Variants in PGPEP1 observed in about 807,000 individuals in gnomAD.
PGPEP1 encodes the protein pyroglutamyl-peptidase I, also known as pyroglutamyl-peptidase 1.
A neutral mutation model predicts 24.1 loss-of-function variants in PGPEP1; 15 were observed. The observed-to-expected ratio is 0.62, with a 90% CI of 0.42 to 0.96. The LOEUF (loss-of-function observed/expected upper bound fraction) is 0.96, where lower values mean the gene tolerates loss of function less well. PGPEP1 is among the 40% of genes least tolerant of loss of function. PGPEP1 has a pLI of 0.00. For synonymous variants in PGPEP1, 122 were observed against 116.4 expected, an observed-to-expected ratio of 1.05 and a Z score of -0.31; for missense variants, 242 against 273.4, an observed-to-expected ratio of 0.89 and a Z score of 0.81.
Position 18,363,692 on chromosome 19 carries a change from A to G in PGPEP1, c.*109A>G, listed in dbSNP as rs1211824121. The G allele has an allele frequency of 1.4e-6, 1 of 724,390 alleles. No individual in the cohort carries two copies. The highest frequency in any genetic ancestry group is 2.8e-5 in the East Asian group (1 of 36,036). 44.9% of individuals were successfully genotyped at this position (724,390 alleles called of 1,614,324 possible). ...ACAAGCTCTTCAGCTTGGGGATCCGATCTGGAAGAGAGATTCTGATCTGCC... is the reference window on the plus strand; with the variant it reads ...ACAAGCTCTTCAGCTTGGGGATCCGGTCTGGAAGAGAGATTCTGATCTGCC... On this transcript the variant is annotated 3_prime_UTR_variant, in exon 5 of 5. Transcript: ENST00000269919.
At chr19:18,343,291 C>T (rs989249656) in intron 2 of PGPEP1, among the ~76,000 whole-genome samples, 36 of 152,114 alleles carry the variant, frequency 2.4e-4, no homozygotes, top group African/African-American at 1.2e-4. Context: ...TGAGCCACTA[C>T]GCCCAGCCAG....
rs117568940 is a variant in PGPEP1, at chr19:18,356,109, G to A, written c.204+98G>A. The A allele has an allele frequency of 6.8e-4, 511 of 747,012 alleles. 4 individuals are homozygous for A. The East Asian group carries it at 0.012, about 17-fold the overall frequency. 46.3% of individuals were successfully genotyped at this position (747,012 alleles called of 1,614,324 possible). On this transcript the variant is annotated intron_variant, in intron 3 of 4. Transcript: ENST00000269919. ...GTGGCTTTGGTCCTGATCAGATCAC[G>A]TGACCAATGCCATACAGCCTTGTCC... is the stretch of plus-strand genomic sequence containing the variant.
intron 2 of PGPEP1, among the ~76,000 whole-genome samples, chr19:18,346,633 CTTTTT>C (rs775309565): frequency 2.6e-4 from 21 of 79,532 alleles, no homozygotes; most frequent in South Asian, 1.2e-3. Context: ...CTGTTTCTCT[CTTTTT>C]TTTTTTTTTT....
intron 2 of PGPEP1, among the ~76,000 whole-genome samples, chr19:18,345,505 C>T (rs945133368): frequency 6.6e-6 from 1 of 151,534 alleles, no homozygotes; most frequent in African/African-American, 2.4e-5. Flanking sequence ...CTTTGGGAGG[C>T]TGAGGCAAGG....
At chr19:18,340,778 G>T in intron 1 of PGPEP1, 63 bp downstream of exon 1, 1 of 1,251,126 alleles carries the variant, frequency 8.0e-7, no homozygotes, top group African/African-American at 1.5e-5. Flanking sequence ...GCGGCTCCGG[G>T]ACTGCGGGGC....
At position 18,363,968 on chromosome 19, in the gene PGPEP1, T is replaced by C. The variant is rs1971430373; in HGVS notation, c.*385T>C. On this transcript the variant is annotated 3_prime_UTR_variant, in exon 5 of 5. Transcript: ENST00000269919. ...TGAAGGAATTTCAGAATTCATTTTATATCCAAGACTGGCTTTTACCAAATT... is the reference window on the plus strand; with the variant it reads ...TGAAGGAATTTCAGAATTCATTTTACATCCAAGACTGGCTTTTACCAAATT... The C allele has an allele frequency of 5.5e-6, 1 of 181,248 alleles. No homozygotes were observed. Among genetic ancestry groups the C allele is most frequent in the African/African-American group, 2.4e-5 (1 of 42,534 alleles). The allele number at this position is 181,248 out of a possible 1,614,324, so 11.2% of individuals were successfully genotyped here. A position where few individuals can be genotyped will look rare whatever the true frequency, so the allele number is the denominator to read the frequency against.
At position 18,357,519 on chromosome 19, in the gene PGPEP1, A is replaced by C. The variant is rs1281394844; in HGVS notation, c.341A>C (p.Glu114Ala). The change falls in exon 4 of 5, where the codon GAA (glutamate) becomes GCA (alanine). Residue 114 changes from glutamate (E) to alanine (A), a missense_variant. By Grantham distance (107) the Glu-to-Ala change is moderately radical. Transcript: ENST00000269919. ...GSQCCVEDGPESIDSIIDMDA... is the reference protein window; with the variant it reads ...GSQCCVEDGPASIDSIIDMDA... The stretch of plus-strand genomic sequence containing the variant: ...CAGTGCTGCGTGGAGGACGGGCCTG[A>C]AAGCATTGACTCCATCATCGACATG... The C allele has an allele frequency of 2.5e-6, 4 of 1,613,562 alleles. No individual in the cohort carries two copies.
In PGPEP1 at chr19:18,357,466, G is replaced by A. The variant is rs1158177428; in HGVS notation, c.288G>A (p.Leu96=). 6.2e-7 allele frequency: 1 copy of A among 1,613,996 alleles called. No homozygotes were observed. Among genetic ancestry groups the A allele is most frequent in the Admixed American group, 1.7e-5 (1 of 59,978 alleles). Residue 96 remains leucine (L), a synonymous_variant, in exon 4 of 5, where the codon CTG becomes CTA. Transcript: ENST00000269919. Reference sequence around the variant, plus strand: ...GACACAACAAGGGCTACAAGGGGCTGGACAACTGCCGCTTTTGCCCCGGCT... The same window carrying A: ...GACACAACAAGGGCTACAAGGGGCTAGACAACTGCCGCTTTTGCCCCGGCT... The part of the protein sequence containing the change: ...KCGHNKGYKG[L]DNCRFCPGSQ...
At chr19:18,358,854 G>A (rs1387072337) in intron 4 of PGPEP1, among the ~76,000 whole-genome samples, 1 of 151,984 alleles carries the variant, frequency 6.6e-6, no homozygotes, top group African/African-American at 2.4e-5. Flanking sequence ...GATCTCAGGT[G>A]ATCCACCCTC....
chr19:18,363,033 T>TTTTGTGTGTG (rs375117395), intron 4 of PGPEP1, among the ~76,000 whole-genome samples: 1 of 136,684 alleles, frequency 7.3e-6, no homozygotes, highest in Non-Finnish European at 1.6e-5. Flanking sequence ...TTTTTTTTGT[T>TTTTGTGTGTG]TGTGTGTGTG....
intron 2 of PGPEP1, among the ~76,000 whole-genome samples, chr19:18,346,212 C>A (rs1381644248): frequency 1.3e-5 from 2 of 152,174 alleles, no homozygotes; most frequent in Non-Finnish European, 2.9e-5. Context: ...AGGTGCCACA[C>A]CTCTGCGAGA....
chr19:18,365,551 C>T lies in PGPEP1; in HGVS notation c.*1968C>T, dbSNP rs1971517451. On this transcript the variant is annotated 3_prime_UTR_variant, in exon 5 of 5. Coordinates refer to ENST00000269919, the MANE Select transcript of PGPEP1 (RefSeq NM_017712.4). ...ACAGACAGGGTTTCACCATGTTGCC[C>T]AGGCTGGTCTCGAACTCCTGGACTC... The T allele has an allele frequency of 1.3e-5, 2 of 152,240 alleles. No individual in the cohort carries two copies. The highest frequency in any genetic ancestry group is 4.8e-5 in the African/African-American group (2 of 41,416). 9.4% of individuals were successfully genotyped at this position (152,240 alleles called of 1,614,324 possible).
At position 18,340,640 on chromosome 19, in the gene PGPEP1, A is replaced by G. The variant is rs1213826437; in HGVS notation, c.-42A>G. The G allele has an allele frequency of 1.3e-6, 2 of 1,512,570 alleles. No individual in the cohort carries two copies. Among genetic ancestry groups the G allele is most frequent in the Non-Finnish European group, 1.8e-6 (2 of 1,132,150 alleles). The allele number at this position is 1,512,570 out of a possible 1,614,324, so 93.7% of individuals were successfully genotyped here. Reference sequence around the variant, plus strand: ...CTGCAGCGGCAGCAGCTGTCGCGCCAGTCGCAACAGAAGCAGGTCCGAGGC... The same window carrying G: ...CTGCAGCGGCAGCAGCTGTCGCGCCGGTCGCAACAGAAGCAGGTCCGAGGC... On this transcript the variant is annotated 5_prime_UTR_variant, in exon 1 of 5. Transcript: ENST00000269919.
chr19:18,347,313 G>T (rs1198598743), intron 2 of PGPEP1, among the ~76,000 whole-genome samples: 2 of 87,076 alleles, frequency 2.3e-5, no homozygotes, highest in Admixed American at 3.7e-4. Flanking sequence ...TGGCTATGTT[G>T]CCCAGACTGG....
chr19:18,346,530 TTTC>T (rs1260246094), intron 2 of PGPEP1, among the ~76,000 whole-genome samples: 1 of 151,970 alleles, frequency 6.6e-6, no homozygotes, highest in Non-Finnish European at 1.5e-5. Context: ...GTCTCTTTCC[TTTC>T]TTCTATCTGT....
intron 2 of PGPEP1, among the ~76,000 whole-genome samples, chr19:18,345,001 G>C (rs1287864472): frequency 1.3e-5 from 2 of 151,934 alleles, no homozygotes; most frequent in Non-Finnish European, 2.9e-5. Flanking sequence ...TCCACTTTTT[G>C]CTTTCTTTTT....
chr19:18,340,972 C>T (rs1236064580), intron 1 of PGPEP1, among the ~76,000 whole-genome samples: 2 of 152,166 alleles, frequency 1.3e-5, no homozygotes, highest in Non-Finnish European at 1.5e-5. Flanking sequence ...CTGCGCAGGC[C>T]CCCCTGGCGT....
chr19:18,342,030 C>T (rs1041026651), intron 1 of PGPEP1, among the ~76,000 whole-genome samples: 2 of 152,152 alleles, frequency 1.3e-5, no homozygotes, highest in African/African-American at 4.8e-5. Flanking sequence ...GCCTCAGCCT[C>T]CTGAGTAGCT....
Position 18,363,560 on chromosome 19 carries a change from ATC to A in PGPEP1, c.608_609del (p.Ile203LysfsTer14), listed in dbSNP as rs1188234613. On this transcript the variant is annotated frameshift_variant, in exon 5 of 5. Coordinates refer to ENST00000269919, the MANE Select transcript of PGPEP1 (RefSeq NM_017712.4). LOFTEE classifies it high-confidence loss of function. Reference sequence around the variant, plus strand: ...CCTCCTGGAGCAGTCAGAGGGCAAAATCAACTATTGCCACAAACACTGAGGGA... The same window carrying A: ...CCTCCTGGAGCAGTCAGAGGGCAAAAAACTATTGCCACAAACACTGAGGGA... ...LDLLEQSEGK[I>X]NYCHKH 6.2e-7 allele frequency: 1 copy of A among 1,613,688 alleles called. No homozygotes were observed. Among genetic ancestry groups the A allele is most frequent in the East Asian group, 2.2e-5 (1 of 44,884 alleles).
Sources: allele counts gnomAD v4.1 joint callset (sites outside exome capture counted in the v4.1 genomes callset), GRCh38; gene constraint gnomAD v4.1.1; transcripts MANE v1.5; gene names NCBI Gene and HGNC (gene_info 2026-07-23, HGNC 2026-07-21).